TAFA2: variants seen among roughly 807,000 people sequenced by gnomAD.
The protein encoded by TAFA2 is TAFA chemokine like family member 2.
In TAFA2, 7 loss-of-function variants were observed where a neutral mutation model predicts 18.8. That is an observed-to-expected ratio of 0.37 (90% CI 0.21 to 0.70). TAFA2 has a LOEUF of 0.70. TAFA2 is among the 30% of genes least tolerant of loss of function. The pLI is 0.53. For missense variants in TAFA2, 122 were observed against 158.1 expected (o/e 0.77, Z 1.23); for synonymous variants, 60 against 54.2 (o/e 1.11, Z -0.47).
intron 1 of TAFA2, among the ~76,000 whole-genome samples, chr12:61,903,561 T>G (rs1876208548): frequency 6.6e-6 from 1 of 152,182 alleles, no homozygotes; most frequent in African/African-American, 2.4e-5. Context: ...TCTAGAACAC[T>G]GGCTGGCTCA....
At chr12:62,199,995 C>T (rs188433856) in intron 1 of TAFA2, among the ~76,000 whole-genome samples, 1 of 152,258 alleles carries the variant, frequency 6.6e-6, no homozygotes, top group Admixed American at 6.5e-5. Context: ...TTGCATTTCT[C>T]TAATGATCAG....
intron 1 of TAFA2, among the ~76,000 whole-genome samples, chr12:62,213,445 C>A (rs1299867700): frequency 6.6e-6 from 1 of 152,100 alleles, no homozygotes; most frequent in Non-Finnish European, 1.5e-5. Context: ...GAGATTGAGA[C>A]CATCCTGATC....
intron 2 of TAFA2, among the ~76,000 whole-genome samples, chr12:61,760,279 A>G (rs2120786337): frequency 6.7e-6 from 1 of 149,454 alleles, no homozygotes; most frequent in East Asian, 2.0e-4. Flanking sequence ...AAATATATAA[A>G]TGAAATAGAT....
intron 2 of TAFA2, among the ~76,000 whole-genome samples, chr12:61,845,508 G>A (rs17577144): frequency 0.098 from 14,966 of 152,146 alleles, 951 homozygotes; most frequent in East Asian, 0.19. Flanking sequence ...CATCATGGAC[G>A]ATTGTGGCTT....
chr12:61,742,585 T>C (rs975793629), intron 4 of TAFA2, among the ~76,000 whole-genome samples: 2 of 152,146 alleles, frequency 1.3e-5, no homozygotes, highest in African/African-American at 2.4e-5. Context: ...TTTGACGCTC[T>C]TCTTTTTCTA....
intron 1 of TAFA2, among the ~76,000 whole-genome samples, chr12:62,026,248 T>C (rs951571703): frequency 2.6e-5 from 4 of 152,156 alleles, no homozygotes; most frequent in African/African-American, 9.7e-5. Context: ...TTTCCATTCC[T>C]CACTTGTTTC....
intron 1 of TAFA2, among the ~76,000 whole-genome samples, chr12:61,947,992 G>T (rs1878338396): frequency 6.6e-6 from 1 of 151,926 alleles, no homozygotes; most frequent in Non-Finnish European, 1.5e-5. Flanking sequence ...ACAAACATCT[G>T]GAAAGAAGCC....
intron 1 of TAFA2, among the ~76,000 whole-genome samples, chr12:61,941,291 G>T (rs1877998577): frequency 6.6e-6 from 1 of 152,144 alleles, no homozygotes; most frequent in African/African-American, 2.4e-5. Flanking sequence ...TATATCATTA[G>T]AATTAATCTG....
At chr12:61,728,370 G>T (rs1870274666) in intron 4 of TAFA2, among the ~76,000 whole-genome samples, 1 of 151,838 alleles carries the variant, frequency 6.6e-6, no homozygotes, top group Non-Finnish European at 1.5e-5. Flanking sequence ...TCATTTCTTA[G>T]GTCTAGCAGT....
chr12:62,017,823 G>A (rs1440724), intron 1 of TAFA2, among the ~76,000 whole-genome samples: 53,829 of 151,866 alleles, frequency 0.35, 9,949 homozygotes, highest in Non-Finnish European at 0.39. Context: ...AAGAAAACAA[G>A]CAGCCAATAT....
intron 4 of TAFA2, among the ~76,000 whole-genome samples, chr12:61,730,839 C>T (rs1297746656): frequency 6.6e-6 from 1 of 152,140 alleles, no homozygotes; most frequent in African/African-American, 2.4e-5. Flanking sequence ...GGCTACAAGC[C>T]TTCCCTCTGA....
intron 1 of TAFA2, among the ~76,000 whole-genome samples, chr12:62,068,380 A>G (rs1329066662): frequency 6.6e-6 from 1 of 152,132 alleles, no homozygotes; most frequent in African/African-American, 2.4e-5. Flanking sequence ...CAACCACATT[A>G]GTGTCTTGAG....
chr12:62,202,823 T>TTTG (rs2062677274), intron 1 of TAFA2, among the ~76,000 whole-genome samples: 1 of 123,400 alleles, frequency 8.1e-6, no homozygotes, highest in Non-Finnish European at 1.6e-5. Context: ...GTGTGGTTCT[T>TTTG]TTTTTTTTTT....
intron 2 of TAFA2, among the ~76,000 whole-genome samples, chr12:61,761,993 C>T (rs1869570170): frequency 6.6e-6 from 1 of 151,974 alleles, no homozygotes; most frequent in Admixed American, 6.6e-5. Context: ...CTTGCTCTCT[C>T]TTCCTCCTGC....
Position 62,048,985 on chromosome 12 carries a change from TGCTAA to T in TAFA2, c.-2+142269_-2+142273del, listed in dbSNP as rs538206864. On this transcript the variant is annotated intron_variant, in intron 1 of 4. Transcript: ENST00000416284. Reference sequence around the variant, plus strand: ...AGACTACCCATGCAGCTGTTCATGTTGCTAAGCTATCAGTTGAAATATAATAAGAT... The same window carrying T: ...AGACTACCCATGCAGCTGTTCATGTTGCTATCAGTTGAAATATAATAAGAT... 8.2e-3 allele frequency among the ~76,000 whole-genome samples: 1,249 copies of T among 152,342 alleles called. 9 individuals carry two copies. The highest frequency in any genetic ancestry group is 0.013 in the Non-Finnish European group (887 of 68,032).
intron 1 of TAFA2, among the ~76,000 whole-genome samples, chr12:61,934,957 G>T (rs1041619285): frequency 2.0e-5 from 3 of 152,128 alleles, no homozygotes; most frequent in African/African-American, 4.8e-5. Context: ...ATATATCTCA[G>T]ATCGGATATG....
chr12:61,818,488 A>T (rs868240365), intron 2 of TAFA2, among the ~76,000 whole-genome samples: 15 of 118,828 alleles, frequency 1.3e-4, no homozygotes, highest in African/African-American at 5.3e-4. Flanking sequence ...GTCTCAAAAA[A>T]ATACACACAC....
intron 1 of TAFA2, among the ~76,000 whole-genome samples, chr12:62,206,414 T>C (rs2062691876): frequency 6.6e-6 from 1 of 152,232 alleles, no homozygotes. Context: ...GTACAAATTT[T>C]CCAAGATTTA....
chr12:61,761,883 G>T (rs2120794022), intron 2 of TAFA2, among the ~76,000 whole-genome samples: 1 of 152,180 alleles, frequency 6.6e-6, no homozygotes, highest in South Asian at 2.1e-4. Context: ...GGTGGAAGGT[G>T]ATTGGATCAT....
Sources: allele counts gnomAD v4.1 joint callset (sites outside exome capture counted in the v4.1 genomes callset), GRCh38; gene constraint gnomAD v4.1.1; transcripts MANE v1.5; gene names NCBI Gene and HGNC (gene_info 2026-07-23, HGNC 2026-07-21).